Variants in CNTN6 observed in about 807,000 individuals in gnomAD.
CNTN6 encodes contactin-6.
In CNTN6, 137 loss-of-function variants were observed where a neutral mutation model predicts 122.8. The observed-to-expected ratio is 1.12, with a 90% CI of 0.97 to 1.29. CNTN6 has a LOEUF of 1.29. Ranked by LOEUF, CNTN6 falls within the 50% of genes most tolerant of loss-of-function variation. CNTN6 has a pLI of 0.00. For missense variants in CNTN6, 1,634 were observed against 1,223.4 expected (o/e 1.34, Z -5.01); for synonymous variants, 570 against 426.0 (o/e 1.34, Z -4.16).
intron 5 of CNTN6, among the ~76,000 whole-genome samples, chr3:1,289,002 T>C (rs1575569202): frequency 1.3e-5 from 2 of 152,352 alleles, no homozygotes; most frequent in South Asian, 4.1e-4. Flanking sequence ...TCAGCTCTAA[T>C]GCTACTGCTG....
intron 20 of CNTN6, among the ~76,000 whole-genome samples, chr3:1,387,752 A>AGC (rs1253416055): frequency 3.3e-5 from 5 of 150,794 alleles, no homozygotes. Flanking sequence ...TCACTTGGGA[A>AGC]GCGCAAGGGG....
At chr3:1,172,599 A>G (rs1488926036) in intron 2 of CNTN6, among the ~76,000 whole-genome samples, 2 of 151,316 alleles carry the variant, frequency 1.3e-5, no homozygotes, top group Admixed American at 6.6e-5. Context: ...GTGAAAAGTG[A>G]AGACAGTCTG....
intron 1 of CNTN6, among the ~76,000 whole-genome samples, chr3:1,124,996 A>G (rs1387560): frequency 0.56 from 84,948 of 151,742 alleles, 24,241 homozygotes; most frequent in African/African-American, 0.66. Flanking sequence ...CAAAGTAGTC[A>G]TTTTGTTATT....
intron 11 of CNTN6, among the ~76,000 whole-genome samples, chr3:1,344,129 G>A (rs996891505): frequency 1.3e-5 from 2 of 152,042 alleles, no homozygotes; most frequent in South Asian, 2.1e-4. Flanking sequence ...AAAGCATATC[G>A]TGAACTCTAG....
rs370701039 is a variant in CNTN6, at chr3:1,329,911, C to A, written c.1340C>A (p.Thr447Lys). The A allele has an allele frequency of 6.2e-7, 1 of 1,609,050 alleles. No homozygotes were observed. Among genetic ancestry groups the A allele is most frequent in the Admixed American group, 1.7e-5 (1 of 59,592 alleles). Residue 447 changes from threonine to lysine, a missense_variant, in exon 11 of 23, where the codon ACG becomes AAG. Physicochemically the swap from Thr to Lys is moderately conservative, Grantham distance 78 (BLOSUM62 -1). Coordinates refer to ENST00000446702, the MANE Select transcript of CNTN6 (RefSeq NM_001289080.2). ...PRAAISWKRG[T>K]ETLRQSKRIF... ...GCAGCTATCTCTTGGAAAAGAGGAA[C>A]GGAGACCCTTAGACAAAGCAAAAGG... is the stretch of plus-strand genomic sequence containing the variant.
At chr3:1,144,603 A>AAT (rs1553606188) in intron 1 of CNTN6, among the ~76,000 whole-genome samples, 1 of 148,726 alleles carries the variant, frequency 6.7e-6, no homozygotes, top group South Asian at 2.2e-4. Context: ...ATAAAAAATA[A>AAT]AAAATAAAAA....
Position 1,371,934 on chromosome 3 carries a change from C to T in CNTN6, c.1493-365C>T, listed in dbSNP as rs1709072092. Among the ~76,000 whole-genome samples the T allele has an allele frequency of 3.3e-5, 5 of 152,146 alleles. No homozygotes were observed. In the South Asian group the frequency reaches 1.0e-3, roughly 32 times the overall value. Reference sequence around the variant, plus strand: ...CATGGTATATGAAGTTAACAGAGAGCATTTAGAGCTGTTACCAGTGTGTCA... The same window carrying T: ...CATGGTATATGAAGTTAACAGAGAGTATTTAGAGCTGTTACCAGTGTGTCA... On this transcript the variant is annotated intron_variant, in intron 12 of 22. Coordinates refer to ENST00000446702, the MANE Select transcript of CNTN6 (RefSeq NM_001289080.2).
At chr3:1,351,493 A>AT (rs1705624005) in intron 11 of CNTN6, among the ~76,000 whole-genome samples, 1 of 150,852 alleles carries the variant, frequency 6.6e-6, no homozygotes, top group South Asian at 2.1e-4. Context: ...TTGTTTTTAC[A>AT]TTTTTTCAGT....
At position 1,329,882 on chromosome 3, in the gene CNTN6, C is replaced by G. The variant is rs1215644735; in HGVS notation, c.1311C>G (p.Pro437=). The change falls in exon 11 of 23, where the codon CCC becomes CCG. Residue 437 remains proline (P), a synonymous_variant. Transcript: ENST00000446702. The part of the protein sequence containing the change: ...IVIGCKPNAF[P]RAAISWKRGT... The stretch of plus-strand genomic sequence containing the variant: ...TCGGATGCAAACCAAATGCTTTTCC[C>G]AGGGCAGCTATCTCTTGGAAAAGAG... 1.2e-6 allele frequency: 2 copies of G among 1,610,248 alleles called. No individual in the cohort carries two copies. The highest frequency in any genetic ancestry group is 1.3e-5 in the African/African-American group (1 of 74,738).
At chr3:1,159,631 A>C (rs992655739) in intron 2 of CNTN6, among the ~76,000 whole-genome samples, 2 of 151,798 alleles carry the variant, frequency 1.3e-5, no homozygotes, top group African/African-American at 4.8e-5. Context: ...TTATCTTATA[A>C]AAATAAATAC....
intron 11 of CNTN6, among the ~76,000 whole-genome samples, chr3:1,347,232 T>C (rs902616339): frequency 1.3e-5 from 2 of 152,060 alleles, no homozygotes; most frequent in African/African-American, 4.8e-5. Context: ...TGAATAGTCA[T>C]ACTATATCTA....
intron 2 of CNTN6, among the ~76,000 whole-genome samples, chr3:1,153,992 G>A (rs75763313): frequency 1.3e-4 from 20 of 152,226 alleles, no homozygotes; most frequent in Non-Finnish European, 2.5e-4. Context: ...CTTTAAGAAT[G>A]GAACACCAGG....
At chr3:1,095,370 C>G (rs568345635) in intron 1 of CNTN6, among the ~76,000 whole-genome samples, 1 of 152,232 alleles carries the variant, frequency 6.6e-6, no homozygotes, top group South Asian at 2.1e-4. Context: ...ACTCAGGAAG[C>G]TGAGGCAGGA....
intron 7 of CNTN6, among the ~76,000 whole-genome samples, chr3:1,311,900 A>G (rs543180699): frequency 9.9e-5 from 15 of 151,996 alleles, no homozygotes; most frequent in South Asian, 4.1e-4. Flanking sequence ...TTTATAGCCA[A>G]TCTCCTATTG....
chr3:1,387,926 C>A (rs886990766), intron 20 of CNTN6, among the ~76,000 whole-genome samples: 1 of 152,058 alleles, frequency 6.6e-6, no homozygotes, highest in Non-Finnish European at 1.5e-5. Flanking sequence ...CACGGAATCT[C>A]GCTGATTGCT....
intron 4 of CNTN6, among the ~76,000 whole-genome samples, chr3:1,276,930 C>G (rs1000636821): frequency 1.3e-5 from 2 of 152,160 alleles, no homozygotes; most frequent in African/African-American, 4.8e-5. Context: ...TTCAAGACCT[C>G]CCATATCATT....
intron 7 of CNTN6, among the ~76,000 whole-genome samples, chr3:1,311,499 GTACATATAAAA>G (rs1699298665): frequency 4.7e-5 from 6 of 128,958 alleles, no homozygotes; most frequent in African/African-American, 1.7e-4. Flanking sequence ...GTACATATAT[GTACATATAAAA>G]TGTCTTTATA....
chr3:1,343,818 A>G (rs1173615357), intron 11 of CNTN6, among the ~76,000 whole-genome samples: 1 of 152,108 alleles, frequency 6.6e-6, no homozygotes, highest in Non-Finnish European at 1.5e-5. Flanking sequence ...AAATCAAGCA[A>G]CTGCTCCTAA....
At chr3:1,265,151 TG>T (rs1227337546) in intron 4 of CNTN6, among the ~76,000 whole-genome samples, 1 of 151,614 alleles carries the variant, frequency 6.6e-6, no homozygotes, top group African/African-American at 2.4e-5. Context: ...CTTGCTTCCA[TG>T]TCATTGCATT....
Sources: allele counts gnomAD v4.1 joint callset (sites outside exome capture counted in the v4.1 genomes callset), GRCh38; gene constraint gnomAD v4.1.1; transcripts MANE v1.5; gene names NCBI Gene and HGNC (gene_info 2026-07-23, HGNC 2026-07-21).